RAB11FIP3: variants seen among roughly 807,000 people sequenced by gnomAD.
The protein encoded by RAB11FIP3 is RAB11 family interacting protein 3, also known as rab11 family-interacting protein 3.
In RAB11FIP3, 17 loss-of-function variants were observed where a neutral mutation model predicts 77.8. The observed-to-expected ratio is 0.22, with a 90% confidence interval of 0.15 to 0.33. RAB11FIP3 has a LOEUF of 0.33. RAB11FIP3 is among the 10% of genes least tolerant of loss of function. The pLI is 1.00. For synonymous variants in RAB11FIP3, 437 were observed against 448.2 expected (o/e 0.98, Z 0.31); for missense variants, 1,005 against 1,011.2 (o/e 0.99, Z 0.08).
At chr16:455,838 G>T (rs1244620655) in intron 1 of RAB11FIP3, among the ~76,000 whole-genome samples, 2 of 152,088 alleles carry the variant, frequency 1.3e-5, no homozygotes, top group Admixed American at 6.6e-5. Flanking sequence ...TGATCCATCC[G>T]CCTTGGCATT....
At chr16:492,424 TCCCCGGGAGAC>T (rs2030507643) in intron 5 of RAB11FIP3, among the ~76,000 whole-genome samples, 1 of 53,706 alleles carries the variant, frequency 1.9e-5, no homozygotes, top group Non-Finnish European at 3.4e-5. Flanking sequence ...CCCAGGGCCC[TCCCCGGGAGAC>T]CCGAGGCCGC....
chr16:494,028 C>G (rs537622910), intron 5 of RAB11FIP3, among the ~76,000 whole-genome samples: 4 of 118,548 alleles, frequency 3.4e-5, no homozygotes, highest in African/African-American at 1.5e-4. Flanking sequence ...CTCAGCCTCC[C>G]GAGTAGCTGG....
intron 1 of RAB11FIP3, among the ~76,000 whole-genome samples, chr16:436,240 C>G (rs539609829): frequency 6.6e-6 from 1 of 152,202 alleles, no homozygotes; most frequent in South Asian, 2.1e-4. Context: ...ATCCGAGAGG[C>G]GGAGGTTACA....
chr16:428,270 A>G (rs116411270), intron 1 of RAB11FIP3, among the ~76,000 whole-genome samples: 4,175 of 152,182 alleles, frequency 0.027, 224 homozygotes, highest in African/African-American at 0.095. Flanking sequence ...CACCTACACT[A>G]ATGGGCAGTG....
At chr16:486,321 G>A (rs557025023) in intron 4 of RAB11FIP3, among the ~76,000 whole-genome samples, 16 of 152,184 alleles carry the variant, frequency 1.1e-4, no homozygotes, top group African/African-American at 2.6e-4. Context: ...GTAAAACCCC[G>A]TCTCTACTAA....
chr16:448,087 G>T (rs2055346551), intron 1 of RAB11FIP3, among the ~76,000 whole-genome samples: 1 of 152,166 alleles, frequency 6.6e-6, no homozygotes, highest in Admixed American at 6.6e-5. Flanking sequence ...GGAGGCCGAG[G>T]TGGGCGGATC....
At position 439,881 on chromosome 16, in the gene RAB11FIP3, G is replaced by C. The variant is rs372843010; in HGVS notation, c.714+13161G>C. Among the ~76,000 whole-genome samples the C allele has an allele frequency of 7.6e-4, 115 of 151,656 alleles. 3 individuals are homozygous for C. In the South Asian group the frequency reaches 0.022, roughly 30 times the overall value. On this transcript the variant is annotated intron_variant, in intron 1 of 13. Coordinates refer to ENST00000262305, the MANE Select transcript of RAB11FIP3 (RefSeq NM_014700.4). ...TTTTTTTGAGACGGGGTCTCGCTCT[G>C]TTGCCCAGCTGGAGTGTGGTGGTGC... is the stretch of plus-strand genomic sequence containing the variant.
At position 461,327 on chromosome 16, in the gene RAB11FIP3, C is replaced by T. The variant is rs2055601654; in HGVS notation, c.715-77C>T. On this transcript the variant is annotated intron_variant, in intron 1 of 13. Transcript: ENST00000262305. The surrounding 1 kb of genome is among the most constrained non-coding windows in gnomAD (Gnocchi z 4.5). Reference sequence around the variant, plus strand: ...TCCCAGCAGGCCACACACCAGATCTCTCCCAGTCCGAGGTCCAGGGTTGGG... The same window carrying T: ...TCCCAGCAGGCCACACACCAGATCTTTCCCAGTCCGAGGTCCAGGGTTGGG... 1.7e-6 allele frequency: 2 copies of T among 1,165,628 alleles called. No individual in the cohort carries two copies. The highest frequency in any genetic ancestry group is 2.5e-6 in the Non-Finnish European group (2 of 800,450). The allele number at this position is 1,165,628 out of a possible 1,614,324, so 72.2% of individuals were successfully genotyped here.
chr16:482,511 G>A lies in RAB11FIP3; in HGVS notation c.904-14G>A, dbSNP rs1276616734. The A allele has an allele frequency of 5.0e-6, 8 of 1,612,086 alleles. No individual in the cohort carries two copies. The highest frequency in any genetic ancestry group is 2.2e-5 in the South Asian group (2 of 91,058). On this transcript the variant is annotated splice_polypyrimidine_tract_variant and intron_variant, in intron 3 of 13. Transcript: ENST00000262305. ...CAGCTTGTGCCCGCTGACTGCTGGC[G>A]CACTCTCTCCTAGGCCAACGAGGTG...
At position 490,479 on chromosome 16, in the gene RAB11FIP3, A is replaced by C. The variant is rs148106243; in HGVS notation, c.1265+1479A>C. 2.4e-4 allele frequency among the ~76,000 whole-genome samples: 37 copies of C among 152,284 alleles called. 1 individual carries two copies. In the East Asian group the frequency reaches 6.6e-3, roughly 27 times the overall value. ...CTCAGCTTCCTGAGTAGCTGGGACTACAGGTATGAGCTACTACGCCGGGCT... is the reference window on the plus strand; with the variant it reads ...CTCAGCTTCCTGAGTAGCTGGGACTCCAGGTATGAGCTACTACGCCGGGCT... On this transcript the variant is annotated intron_variant, in intron 5 of 13. Transcript: ENST00000262305.
chr16:518,928 G>T lies in RAB11FIP3; in HGVS notation c.1641-15G>T, dbSNP rs1159976023. 6.2e-7 allele frequency: 1 copy of T among 1,613,366 alleles called. No individual in the cohort carries two copies. Among genetic ancestry groups the T allele is most frequent in the East Asian group, 2.2e-5 (1 of 44,874 alleles). On this transcript the variant is annotated splice_polypyrimidine_tract_variant and intron_variant, in intron 9 of 13. Transcript: ENST00000262305. ...GCTTCCTGGAGTGAGTTTCAGCTTTGTTCTTGTGTCCCAGGCTACAGCAAC... is the reference window on the plus strand; with the variant it reads ...GCTTCCTGGAGTGAGTTTCAGCTTTTTTCTTGTGTCCCAGGCTACAGCAAC...
Position 471,159 on chromosome 16 carries a change from T to G in RAB11FIP3, c.809-136T>G, listed in dbSNP as rs1322374685. ...CTCATGCTCACTCCCTTGCTTGTCT[T>G]GACCCCCCCCAGGGCCCCCAACTCC... On this transcript the variant is annotated intron_variant, in intron 2 of 13. Transcript: ENST00000262305. This position sits in a 1 kb window ranked among gnomAD's most constrained non-coding sequence, Gnocchi z 4.4. The G allele has an allele frequency of 1.4e-6, 1 of 691,610 alleles. No homozygotes were observed. Among genetic ancestry groups the G allele is most frequent in the African/African-American group, 1.8e-5 (1 of 55,886 alleles). 42.8% of individuals were successfully genotyped at this position (691,610 alleles called of 1,614,324 possible).
intron 9 of RAB11FIP3, among the ~76,000 whole-genome samples, chr16:516,697 TG>T (rs1188321683): frequency 1.3e-5 from 2 of 150,758 alleles, no homozygotes; most frequent in Non-Finnish European, 3.0e-5. Context: ...GCCAACATGG[TG>T]AAACCCTGTC....
intron 5 of RAB11FIP3, among the ~76,000 whole-genome samples, chr16:494,035 C>T (rs1281270421): frequency 8.5e-6 from 1 of 117,076 alleles, no homozygotes; most frequent in Admixed American, 8.4e-5. Flanking sequence ...TCCCGAGTAG[C>T]TGGGACTACA....
rs559322092 is a variant in RAB11FIP3, at chr16:519,279, G to A, written c.1722+255G>A. Reference sequence around the variant, plus strand: ...ATTGTCCTCCAAGGGGAAGGCATCAGCCAGCCACTTATGCCCCAACCACTG... The same window carrying A: ...ATTGTCCTCCAAGGGGAAGGCATCAACCAGCCACTTATGCCCCAACCACTG... On this transcript the variant is annotated intron_variant, in intron 10 of 13. Transcript: ENST00000262305. Among the ~76,000 whole-genome samples the A allele has an allele frequency of 2.1e-3, 327 of 152,344 alleles. 5 individuals are homozygous for A. The highest frequency in any genetic ancestry group is 7.6e-3 in the African/African-American group (314 of 41,576).
intron 1 of RAB11FIP3, among the ~76,000 whole-genome samples, chr16:459,527 C>T (rs2055567829): frequency 6.6e-6 from 1 of 151,688 alleles, no homozygotes; most frequent in Non-Finnish European, 1.5e-5. Context: ...ACCTCCGCCT[C>T]CCGGGTTCAA....
At position 458,402 on chromosome 16, in the gene RAB11FIP3, C is replaced by T. The variant is rs562982788; in HGVS notation, c.715-3002C>T. On this transcript the variant is annotated intron_variant, in intron 1 of 13. Coordinates refer to ENST00000262305, the MANE Select transcript of RAB11FIP3 (RefSeq NM_014700.4). ...GACTTCACCACAGGGCCTAGGGGGC[C>T]TTCCTCGGGTTCACCGATGCCCACA... Among the ~76,000 whole-genome samples the T allele has an allele frequency of 1.4e-4, 21 of 151,990 alleles. 1 individual carries two copies. The East Asian group carries it at 4.1e-3, about 29-fold the overall frequency.
intron 3 of RAB11FIP3, among the ~76,000 whole-genome samples, chr16:478,956 C>G (rs938586196): frequency 5.9e-5 from 9 of 151,952 alleles, no homozygotes; most frequent in African/African-American, 2.2e-4. Context: ...CAGAGTGAGA[C>G]CCTGTCTCAA....
At chr16:513,898 G>A (rs966704128) in intron 9 of RAB11FIP3, among the ~76,000 whole-genome samples, 8 of 152,244 alleles carry the variant, frequency 5.3e-5, no homozygotes, top group Non-Finnish European at 7.3e-5. Context: ...CCTTGGCACA[G>A]TGCAGTTGAG....
Sources: gnomAD v4.1 joint callset for allele counts (sites outside exome capture counted in the v4.1 genomes callset) on GRCh38, gnomAD v4.1.1 for gene constraint, Gnocchi (gnomAD v3.1) non-coding constraint, MANE v1.5 for transcripts, NCBI Gene and HGNC (gene_info 2026-07-23, HGNC 2026-07-21) for gene names.